The following NDUFB2 variants were observed in gnomAD, a reference collection of about 807,000 sequenced individuals.
The protein encoded by NDUFB2 is NADH:ubiquinone oxidoreductase subunit B2.
NDUFB2 carries 13 observed loss-of-function variants against 13.4 expected under a neutral mutation model. The ratio of observed to expected loss-of-function variants is 0.97; its 90% confidence interval spans 0.63 to 1.54. NDUFB2 has a LOEUF of 1.54. Among genes scored for constraint, NDUFB2 ranks in the 40% most tolerant of loss-of-function variants. The pLI, the probability that NDUFB2 is intolerant of heterozygous loss-of-function variation, is 0.00. For synonymous variants in NDUFB2, 47 were observed against 50.6 expected, an observed-to-expected ratio of 0.93 and a Z score of 0.30; for missense variants, 150 against 139.7, an observed-to-expected ratio of 1.07 and a Z score of -0.37.
chr7:140,702,128 A>G, intron 1 of NDUFB2: 2 of 672,382 alleles, frequency 3.0e-6, no homozygotes, highest in Non-Finnish European at 5.4e-6. Context: ...ATTGGTAAAC[A>G]TATTTTATAT....
chr7:140,705,645 T>C (rs1794957112), intron 3 of NDUFB2: 1 of 152,092 alleles, frequency 6.6e-6, no homozygotes, highest in Non-Finnish European at 1.5e-5. Context: ...TTTCCTAAGT[T>C]AGGTTATAAT....
At chr7:140,698,373 A>G in intron 1 of NDUFB2, 1 of 1,258,486 alleles carries the variant, frequency 7.9e-7, no homozygotes, top group Non-Finnish European at 1.0e-6. Flanking sequence ...CTAGGTGCTG[A>G]GGATATAGCA....
chr7:140,702,146 C>A, intron 1 of NDUFB2: 2 of 650,098 alleles, frequency 3.1e-6, no homozygotes, highest in South Asian at 1.7e-5. Context: ...TATAGGAATT[C>A]TCTTAAAAAT....
chr7:140,702,891 C>T lies in NDUFB2; in HGVS notation c.124C>T (p.Pro42Ser), dbSNP rs755466080. The change falls in exon 2 of 4, where the codon CCC (proline) becomes TCC (serine). Residue 42 changes from proline (P) to serine (S), a missense_variant. Coordinates refer to ENST00000247866, the MANE Select transcript of NDUFB2 (RefSeq NM_004546.3). ...TGCCGGTGGTGGTGTGCACATTGAG[C>T]CCCGGTATAGACAGTTCCCCCAGCT... ...RHAGGGVHIE[P>S]RYRQFPQLTR... The T allele has an allele frequency of 1.9e-6, 3 of 1,613,960 alleles. No homozygotes were observed. In the Admixed American group the frequency reaches 5.0e-5, roughly 27 times the overall value.
intron 2 of NDUFB2, among the ~76,000 whole-genome samples, chr7:140,704,116 C>T (rs1794934907): frequency 6.6e-6 from 1 of 152,138 alleles, no homozygotes; most frequent in South Asian, 2.1e-4. Flanking sequence ...ATTTGCAGAC[C>T]GTTCTTTGGG....
At chr7:140,696,985 GC>G in intron 1 of NDUFB2, 143 bp downstream of exon 1, 1 of 743,410 alleles carries the variant, frequency 1.3e-6, no homozygotes, top group Non-Finnish European at 2.2e-6. Context: ...GTCTCCTGAA[GC>G]CGCGACTCGA....
At chr7:140,705,963 AG>A (rs1242302269) in intron 3 of NDUFB2, among the ~76,000 whole-genome samples, 2 of 151,992 alleles carry the variant, frequency 1.3e-5, no homozygotes, top group Admixed American at 1.3e-4. Context: ...ATAAACCCCT[AG>A]GGGTTAATAT....
chr7:140,703,658 C>A (rs1794928147), intron 2 of NDUFB2, among the ~76,000 whole-genome samples: 1 of 152,130 alleles, frequency 6.6e-6, no homozygotes, highest in African/African-American at 2.4e-5. Flanking sequence ...TGATGAATGT[C>A]TTCTGGTCTG....
At chr7:140,697,070 T>C (rs1213440067) in intron 1 of NDUFB2, 1 of 592,330 alleles carries the variant, frequency 1.7e-6, no homozygotes, top group Non-Finnish European at 3.0e-6. Context: ...TGCAGGGCCG[T>C]CATGGTAGTA....
chr7:140,697,484 G>A, intron 1 of NDUFB2: 4 of 693,446 alleles, frequency 5.8e-6, no homozygotes. Context: ...GGCCCGAGAC[G>A]CAGACCGGAG....
At chr7:140,697,133 A>G in intron 1 of NDUFB2, 1 of 589,266 alleles carries the variant, frequency 1.7e-6, no homozygotes, top group South Asian at 2.0e-5. Flanking sequence ...GGGCTGAGCC[A>G]GTCGGCGCCG....
At chr7:140,701,963 C>A in intron 1 of NDUFB2, 1 of 678,696 alleles carries the variant, frequency 1.5e-6, no homozygotes, top group Non-Finnish European at 2.7e-6. Context: ...ACAAACAGTC[C>A]TAGCTAACAT....
At chr7:140,704,246 A>G (rs985679517) in intron 2 of NDUFB2, among the ~76,000 whole-genome samples, 1 of 152,190 alleles carries the variant, frequency 6.6e-6, no homozygotes, top group Admixed American at 6.5e-5. Context: ...TAAGTTTTAG[A>G]AGCATCAGGT....
intron 3 of NDUFB2, chr7:140,705,760 C>T (rs2364396): frequency 0.19 from 29,612 of 152,244 alleles, 4,916 homozygotes; most frequent in African/African-American, 0.45. Flanking sequence ...GCTTACAGTA[C>T]GTAGCTGCAA....
At chr7:140,701,374 A>G (rs978207747) in intron 1 of NDUFB2, among the ~76,000 whole-genome samples, 2 of 152,216 alleles carry the variant, frequency 1.3e-5, no homozygotes, top group East Asian at 1.9e-4. Context: ...TAAACACTCA[A>G]TAACTACCAG....
chr7:140,702,877 G>T lies in NDUFB2; in HGVS notation c.110G>T (p.Gly37Val), dbSNP rs1221530077. The T allele has an allele frequency of 1.9e-6, 3 of 1,614,028 alleles. No homozygotes were observed. Among genetic ancestry groups the T allele is most frequent in the Non-Finnish European group, 2.5e-6 (3 of 1,180,042 alleles). The change falls in exon 2 of 4, where the codon GGT becomes GTT. Residue 37 changes from glycine (G) to valine (V), a missense_variant. Coordinates refer to ENST00000247866, the MANE Select transcript of NDUFB2 (RefSeq NM_004546.3). Reference protein sequence around the residue: ...GDGGVRHAGGGVHIEPRYRQF... With the variant: ...GDGGVRHAGGVVHIEPRYRQF... ...GTTTTGTCTTGCAGTGCCGGTGGTGGTGTGCACATTGAGCCCCGGTATAGA... is the reference window on the plus strand; with the variant it reads ...GTTTTGTCTTGCAGTGCCGGTGGTGTTGTGCACATTGAGCCCCGGTATAGA...
rs553230375 is a variant in NDUFB2, at chr7:140,697,502, G to A, written c.98+660G>A. 5.6e-4 allele frequency: 386 copies of A among 683,762 alleles called. 8 individuals are homozygous for A. The South Asian group carries it at 5.7e-3, about 10-fold the overall frequency. The allele number at this position is 683,762 out of a possible 1,614,324, so 42.4% of individuals were successfully genotyped here. ...CCGAGACGCAGACCGGAGGGCGGAG[G>A]GCTGGGGGTGCGAGGTAGGGAGCGG... On this transcript the variant is annotated intron_variant, in intron 1 of 3. Coordinates refer to ENST00000247866, the MANE Select transcript of NDUFB2 (RefSeq NM_004546.3).
chr7:140,698,155 G>C (rs1026334773), intron 1 of NDUFB2: 6 of 1,352,114 alleles, frequency 4.4e-6, no homozygotes, highest in Non-Finnish European at 5.9e-6. Context: ...GGCAGGTGTG[G>C]GGTGGGCAGA....
At position 140,705,133 on chromosome 7, in the gene NDUFB2, T is replaced by C. The variant is rs899539218; in HGVS notation, c.*29+170T>C. ...TTTTTTTTTTGAGACAGAGTCTTGC[T>C]CTGTCGCCCAGACTGGAGTGCAGTG... On this transcript the variant is annotated intron_variant, in intron 3 of 3. Transcript: ENST00000247866. 8.7e-5 allele frequency: 35 copies of C among 403,478 alleles called. 1 individual carries two copies. The highest frequency in any genetic ancestry group is 6.7e-4 in the African/African-American group (32 of 47,556). The allele number at this position is 403,478 out of a possible 1,614,324, so 25.0% of individuals were successfully genotyped here.
Sources: allele counts gnomAD v4.1 joint callset (sites outside exome capture counted in the v4.1 genomes callset), GRCh38; gene constraint gnomAD v4.1.1; transcripts MANE v1.5; gene names NCBI Gene and HGNC (gene_info 2026-07-23, HGNC 2026-07-21).